Variants in RFC1 observed in about 807,000 individuals in gnomAD.
The protein encoded by RFC1 is replication factor C subunit 1.
Under a neutral mutation model 137.4 loss-of-function variants are expected in RFC1, and 37 were observed. The observed-to-expected ratio is 0.27, with a 90% CI of 0.21 to 0.35. RFC1 has a LOEUF of 0.35. RFC1 is among the 10% of genes least tolerant of loss of function. The pLI is 1.00. For missense variants in RFC1, 1,205 were observed against 1,358.5 expected (o/e 0.89, Z 1.78); for synonymous variants, 429 against 455.7 (o/e 0.94, Z 0.75).
intron 1 of RFC1, among the ~76,000 whole-genome samples, chr4:39,360,115 C>A (rs1429800216): frequency 6.6e-6 from 1 of 152,176 alleles, no homozygotes; most frequent in Non-Finnish European, 1.5e-5. Context: ...ACCTTAACTG[C>A]AGCACTTTGG....
chr4:39,350,038 C>G (rs1267213020), intron 2 of RFC1, among the ~76,000 whole-genome samples: 1 of 152,034 alleles, frequency 6.6e-6, no homozygotes, highest in Non-Finnish European at 1.5e-5. Flanking sequence ...TATAATTACA[C>G]TCAAGGACAT....
chr4:39,335,330 C>G (rs1740296671), intron 4 of RFC1, among the ~76,000 whole-genome samples: 1 of 152,100 alleles, frequency 6.6e-6, no homozygotes, highest in Non-Finnish European at 1.5e-5. Context: ...GGAAGAGAAA[C>G]TAAACATAGC....
chr4:39,308,577 A>T, intron 13 of RFC1, 59 bp downstream of exon 13: 1 of 1,543,986 alleles, frequency 6.5e-7, no homozygotes, highest in Non-Finnish European at 8.7e-7. Context: ...TATATGTGCC[A>T]CTGAGCAATC....
rs529049635 is a variant in RFC1, at chr4:39,343,308, C to T, written c.209-841G>A. Among the ~76,000 whole-genome samples, 47 of 152,346 alleles carry T rather than the reference C, an allele frequency of 3.1e-4. 2 individuals are homozygous for T. In the East Asian group the frequency reaches 7.1e-3, roughly 23 times the overall value. On this transcript the variant is annotated intron_variant, in intron 3 of 24. Coordinates refer to ENST00000349703, the MANE Select transcript of RFC1 (RefSeq NM_002913.5). The stretch of plus-strand genomic sequence containing the variant: ...AAAGTGCTGGGATTACAGGCAAGAG[C>T]CACCACGCCTGGCCTAATCTCCCTA...
chr4:39,351,427 C>T lies in RFC1; in HGVS notation c.53G>A (p.Ser18Asn), dbSNP rs61759896. 2.4e-3 allele frequency: 3,724 copies of T among 1,580,744 alleles called. 25 individuals carry two copies. Among genetic ancestry groups the T allele is most frequent in the Non-Finnish European group, 2.5e-3 (2,908 of 1,166,316 alleles). The change falls in exon 2 of 25, where the codon AGT becomes AAT. Residue 18 changes from serine (S) to asparagine (N), a missense_variant. By Grantham distance (46) the Ser-to-Asn change is conservative. Transcript: ENST00000349703. Reference sequence around the variant, plus strand: ...TTTCTCATTCTTCTTTACTGTTTCACTTACAAGTTTCTTTCCACTTGGTAT... The same window carrying T: ...TTTCTCATTCTTCTTTACTGTTTCATTTACAAGTTTCTTTCCACTTGGTAT... The part of the protein sequence containing the change: ...GVIPSGKKLV[S>N]ETVKKNEKTK...
At chr4:39,355,352 G>A (rs549222467) in intron 1 of RFC1, among the ~76,000 whole-genome samples, 42 of 151,538 alleles carry the variant, frequency 2.8e-4, no homozygotes, top group African/African-American at 9.7e-4. Context: ...GCACTTGCGC[G>A]CCAAGAGTTT....
intron 1 of RFC1, among the ~76,000 whole-genome samples, chr4:39,366,034 T>C (rs6851075): frequency 0.32 from 48,164 of 150,178 alleles, 7,694 homozygotes; most frequent in Non-Finnish European, 0.33. Context: ...CCCTGCGCGC[T>C]GGCTGCCGCC....
At chr4:39,301,152 C>T (rs1394726819) in intron 19 of RFC1, among the ~76,000 whole-genome samples, 1 of 151,866 alleles carries the variant, frequency 6.6e-6, no homozygotes, top group Non-Finnish European at 1.5e-5. Context: ...CCTTATATGC[C>T]ATTACTACGT....
chr4:39,366,310 C>T lies in RFC1; in HGVS notation c.-69G>A. ...GGTTGAGGAATCTGTTATCGAGGCT[C>T]AGGATCCATTCGCGCCAACAACTTC... On this transcript the variant is annotated 5_prime_UTR_variant, in exon 1 of 25. Transcript: ENST00000349703. 3 of 1,460,582 alleles carry T rather than the reference C, an allele frequency of 2.1e-6. No homozygotes were observed. The highest frequency in any genetic ancestry group is 2.7e-6 in the Non-Finnish European group (3 of 1,100,484). The allele number at this position is 1,460,582 out of a possible 1,614,324, so 90.5% of individuals were successfully genotyped here. A position where few individuals can be genotyped will look rare whatever the true frequency, so the allele number is the denominator to read the frequency against.
chr4:39,326,499 T>A (rs1028508756), intron 6 of RFC1, 64 bp downstream of exon 6: 1 of 1,341,192 alleles, frequency 7.5e-7, no homozygotes, highest in African/African-American at 1.4e-5. Flanking sequence ...ATTCAAAACC[T>A]GGCTGGACTA....
At chr4:39,296,376 A>G in intron 21 of RFC1, among the ~76,000 whole-genome samples, 1 of 128,780 alleles carries the variant, frequency 7.8e-6, no homozygotes, top group East Asian at 2.4e-4. Flanking sequence ...AGCATTAGGT[A>G]TATCTCCCAA....
intron 22 of RFC1, 131 bp from the exon 23 acceptor site, chr4:39,291,983 T>A: frequency 1.5e-6 from 1 of 679,908 alleles, no homozygotes; most frequent in East Asian, 2.7e-5. Context: ...TGCCTACTAT[T>A]TGACAGCCAG....
rs1425745995 is a variant in RFC1 at position 39,308,700 on chromosome 4, A to G, written c.1821T>C (p.Cys607=). Residue 607 remains cysteine (C), a synonymous_variant, in exon 13 of 25, where the codon TGT becomes TGC. Coordinates refer to ENST00000349703, the MANE Select transcript of RFC1 (RefSeq NM_002913.5). ...TIIGQQGDQS[C]ANKLLRWLRN... is the part of the protein sequence containing the mutation. Reference sequence around the variant, plus strand: ...GGAGCCAGCGTAGGAGTTTGTTGGCACAGCTCTGGTCACCTTGCTGTCCAA... The same window carrying G: ...GGAGCCAGCGTAGGAGTTTGTTGGCGCAGCTCTGGTCACCTTGCTGTCCAA... 3 of 1,614,160 alleles carry G rather than the reference A, an allele frequency of 1.9e-6. No homozygotes were observed. The highest frequency in any genetic ancestry group is 2.5e-6 in the Non-Finnish European group (3 of 1,180,008).
intron 6 of RFC1, among the ~76,000 whole-genome samples, chr4:39,325,011 C>A (rs1023938288): frequency 6.6e-6 from 1 of 152,192 alleles, no homozygotes; most frequent in Non-Finnish European, 1.5e-5. Context: ...GTTCCTACTT[C>A]ACTAGCCACT....
chr4:39,304,752 G>T, intron 15 of RFC1, 62 bp downstream of exon 15: 1 of 974,360 alleles, frequency 1.0e-6, no homozygotes, highest in Non-Finnish European at 1.7e-6. Context: ...ACTGGTTACT[G>T]AACATTGAAA....
intron 22 of RFC1, among the ~76,000 whole-genome samples, chr4:39,292,309 TC>T (rs1478898340): frequency 6.6e-6 from 1 of 152,162 alleles, no homozygotes; most frequent in Non-Finnish European, 1.5e-5. Context: ...CCCTCACATT[TC>T]CTAATACTGT....
intron 4 of RFC1, among the ~76,000 whole-genome samples, chr4:39,329,451 G>A (rs564709101): frequency 6.7e-4 from 102 of 151,930 alleles, no homozygotes; most frequent in South Asian, 3.1e-3. Context: ...TTAGCCGGGC[G>A]TAGCGGTGCG....
At chr4:39,361,620 C>G (rs1020499558) in intron 1 of RFC1, among the ~76,000 whole-genome samples, 1 of 152,084 alleles carries the variant, frequency 6.6e-6, no homozygotes, top group Non-Finnish European at 1.5e-5. Context: ...ACAGATGAAA[C>G]AATCTTACAG....
At chr4:39,365,802 C>T (rs1051012539) in intron 1 of RFC1, among the ~76,000 whole-genome samples, 31 of 152,222 alleles carry the variant, frequency 2.0e-4, no homozygotes, top group African/African-American at 7.0e-4. Flanking sequence ...CCCTACACAA[C>T]ATATTCCCTA....
Sources: allele counts gnomAD v4.1 joint callset (sites outside exome capture counted in the v4.1 genomes callset), GRCh38; gene constraint gnomAD v4.1.1; transcripts MANE v1.5; gene names NCBI Gene and HGNC (gene_info 2026-07-23, HGNC 2026-07-21).